Variants in ZCCHC2 observed in about 807,000 individuals in gnomAD.
ZCCHC2 encodes the protein zinc finger CCHC domain-containing protein 2.
In ZCCHC2, 39 loss-of-function variants were observed where a neutral mutation model predicts 103.6. The ratio of observed to expected loss-of-function variants is 0.38; its 90% CI spans 0.29 to 0.49. ZCCHC2 has a LOEUF of 0.49. ZCCHC2 is among the 20% of genes least tolerant of loss of function. The probability of loss-of-function intolerance (pLI) is 0.96; values close to 1 mark genes in which losing one functional copy is unlikely to be tolerated. For synonymous variants in ZCCHC2, 687 were observed against 608.9 expected (o/e 1.13, Z -1.89); for missense variants, 1,483 against 1,491.0 (o/e 0.99, Z 0.09).
In ZCCHC2 at chr18:62,575,012, A is replaced by G. The variant is rs775035278; in HGVS notation, c.2931A>G (p.Thr977=). The change falls in exon 13 of 14, where the codon ACA becomes ACG. Residue 977 remains threonine (T), a synonymous_variant. Coordinates refer to ENST00000269499, the MANE Select transcript of ZCCHC2 (RefSeq NM_017742.6). The part of the protein sequence containing the change: ...GPAPSPSPAL[T]HSTAQSDSTS... Reference sequence around the variant, plus strand: ...CCCCGAGCCCAAGCCCTGCCTTGACACACAGTACCGCGCAGAGTGACAGCA... The same window carrying G: ...CCCCGAGCCCAAGCCCTGCCTTGACGCACAGTACCGCGCAGAGTGACAGCA... 1 of 1,613,918 alleles carries G rather than the reference A, an allele frequency of 6.2e-7. No individual in the cohort carries two copies. The highest frequency in any genetic ancestry group is 2.2e-5 in the East Asian group (1 of 44,874).
chr18:62,584,450 A>G (rs945198221), exon 15 of ZCCHC2: 2 of 152,112 alleles, frequency 1.3e-5, no homozygotes, highest in Non-Finnish European at 2.9e-5. Context: ...TTGCAGTTCC[A>G]ATTTGAGCCG....
chr18:62,546,018 C>T (rs1022996083), intron 4 of ZCCHC2, among the ~76,000 whole-genome samples: 2 of 152,224 alleles, frequency 1.3e-5, no homozygotes, highest in Non-Finnish European at 2.9e-5. Flanking sequence ...ATAGTTCCAT[C>T]TTCCTGTGGT....
Position 62,523,750 on chromosome 18 carries a change from C to A in ZCCHC2, c.326C>A (p.Ala109Glu). The A allele has an allele frequency of 2.6e-6, 4 of 1,529,916 alleles. No homozygotes were observed. Among genetic ancestry groups the A allele is most frequent in the Non-Finnish European group, 2.6e-6 (3 of 1,144,544 alleles). 94.8% of individuals were successfully genotyped at this position (1,529,916 alleles called of 1,614,324 possible). ...TGGTTCGGGCTGGTGCTGGGCTCGG[C>A]GCAGCGCCTGGAGTTCATGTGCGGG... is the stretch of plus-strand genomic sequence containing the variant. ...YEWFGLVLGS[A>E]QRLEFMCGLL... Residue 109 changes from alanine to glutamate, a missense_variant, in exon 1 of 14, where the codon GCG (alanine) becomes GAG (glutamate). By Grantham distance (107) the Ala-to-Glu change is moderately radical (BLOSUM62 -1). Transcript: ENST00000269499.
intron 1 of ZCCHC2, chr18:62,526,980 T>C (rs1410491014): frequency 8.4e-6 from 1 of 119,486 alleles, no homozygotes; most frequent in Non-Finnish European, 1.6e-5. Context: ...GCGATAACCC[T>C]GGTAAAGGGA....
intron 12 of ZCCHC2, among the ~76,000 whole-genome samples, chr18:62,572,025 T>C (rs1916616284): frequency 6.6e-6 from 1 of 152,176 alleles, no homozygotes; most frequent in East Asian, 1.9e-4. Flanking sequence ...AGAAAAAAAA[T>C]GAAAACAACG....
intron 8 of ZCCHC2, among the ~76,000 whole-genome samples, chr18:62,561,611 G>A (rs1331769070): frequency 1.3e-5 from 2 of 152,066 alleles, no homozygotes; most frequent in African/African-American, 4.8e-5. Context: ...GCAGTCCTTC[G>A]CCATTTCATC....
chr18:62,524,636 A>C (rs1914269747), intron 1 of ZCCHC2: 1 of 439,140 alleles, frequency 2.3e-6, no homozygotes, highest in Admixed American at 4.4e-5. Context: ...GTTGCCACGG[A>C]AGACGTGGAG....
At position 62,576,768 on chromosome 18, in the gene ZCCHC2, T is replaced by C; in HGVS notation, c.*189T>C. On this transcript the variant is annotated 3_prime_UTR_variant, in exon 14 of 14. Coordinates refer to ENST00000269499, the MANE Select transcript of ZCCHC2 (RefSeq NM_017742.6). ...ATGCAATGCTTTTGAGCCTCTGGTC[T>C]CCTGGTTCAACAACAGGCTTATATG... The C allele has an allele frequency of 3.6e-6, 2 of 558,990 alleles. No individual in the cohort carries two copies. The highest frequency in any genetic ancestry group is 2.2e-5 in the South Asian group (1 of 45,924). The allele number at this position is 558,990 out of a possible 1,614,324, so 34.6% of individuals were successfully genotyped here. A position where few individuals can be genotyped will look rare whatever the true frequency, so the allele number is the denominator to read the frequency against.
Position 62,577,751 on chromosome 18 carries a change from T to A in ZCCHC2, c.*1172T>A, listed in dbSNP as rs973744704. ...TCACTAAGTTTAATGCTGCTGTTTT[T>A]AAAAAAAAAAAAAAGTTTTTTTAAA... On this transcript the variant is annotated 3_prime_UTR_variant, in exon 14 of 14. Coordinates refer to ENST00000269499, the MANE Select transcript of ZCCHC2 (RefSeq NM_017742.6). 64 of 150,652 alleles carry A rather than the reference T, an allele frequency of 4.2e-4. No homozygotes were observed. The highest frequency in any genetic ancestry group is 5.6e-4 in the African/African-American group (23 of 40,872). 9.3% of individuals were successfully genotyped at this position (150,652 alleles called of 1,614,324 possible).
At chr18:62,533,442 T>G (rs1372099980) in intron 1 of ZCCHC2, among the ~76,000 whole-genome samples, 3 of 151,902 alleles carry the variant, frequency 2.0e-5, no homozygotes, top group African/African-American at 7.3e-5. Context: ...GCAGAATCAC[T>G]TGAACCCGGG....
At chr18:62,547,057 G>A (rs1160609167) in intron 4 of ZCCHC2, among the ~76,000 whole-genome samples, 4 of 151,978 alleles carry the variant, frequency 2.6e-5, no homozygotes, top group Non-Finnish European at 4.4e-5. Flanking sequence ...AGGTTCGGTG[G>A]CTCATGCCTG....
intron 3 of ZCCHC2, among the ~76,000 whole-genome samples, chr18:62,544,009 A>G (rs900482055): frequency 6.6e-6 from 1 of 152,352 alleles, no homozygotes; most frequent in South Asian, 2.1e-4. Flanking sequence ...ATAAAATTTT[A>G]TGTATTTTTT....
At chr18:62,579,550 A>G (rs1301595314), downstream of ZCCHC2, among the ~76,000 whole-genome samples, 1 of 152,142 alleles carries the variant, frequency 6.6e-6, no homozygotes, top group Non-Finnish European at 1.5e-5. Flanking sequence ...AAATTCCCTG[A>G]TTGTTTACAG....
Position 62,523,845 on chromosome 18 carries a change from G to C in ZCCHC2, c.421G>C (p.Asp141His), listed in dbSNP as rs1400848696. 1 of 1,544,964 alleles carries C rather than the reference G, an allele frequency of 6.5e-7. No homozygotes were observed. The highest frequency in any genetic ancestry group is 1.4e-5 in the African/African-American group (1 of 72,744). The stretch of plus-strand genomic sequence containing the variant: ...GTGCCTGGAGGACCTGGCGCGCAAG[G>C]ACTACCACTACCTGCGCGACTCGGA... The part of the protein sequence containing the change: ...GSCLEDLARK[D>H]YHYLRDSEAK... The change falls in exon 1 of 14, where the codon GAC becomes CAC. Residue 141 changes from aspartate to histidine, a missense_variant. Asp to His is a moderately conservative substitution (Grantham distance 81). Around this residue, in one of 3 missense-constraint regions of ZCCHC2, gnomAD observed 568 missense variants for 525.1 expected, o/e 1.08. Coordinates refer to ENST00000269499, the MANE Select transcript of ZCCHC2 (RefSeq NM_017742.6).
intron 8 of ZCCHC2, 21 bp from the exon 9 acceptor site, chr18:62,562,988 T>C (rs367635338): frequency 3.8e-6 from 6 of 1,597,966 alleles, no homozygotes; most frequent in South Asian, 3.3e-5. Context: ...TTTCACACTT[T>C]CATAAACTTT....
intron 2 of ZCCHC2, among the ~76,000 whole-genome samples, chr18:62,542,066 A>G (rs1196414733): frequency 1.3e-5 from 2 of 152,206 alleles, no homozygotes; most frequent in African/African-American, 2.4e-5. Context: ...GTAAAACTAG[A>G]TATTTTGTAG....
intron 1 of ZCCHC2, chr18:62,524,612 T>A (rs1229545619): frequency 4.1e-6 from 2 of 491,460 alleles, no homozygotes; most frequent in East Asian, 3.6e-5. Context: ...TAGAAGTCCC[T>A]TCCGTGCCAC....
intron 1 of ZCCHC2, among the ~76,000 whole-genome samples, chr18:62,530,470 A>G (rs1422031336): frequency 6.6e-6 from 1 of 152,146 alleles, no homozygotes; most frequent in African/African-American, 2.4e-5. Context: ...TGCTCAGTGC[A>G]TATTTTCCAC....
rs1915089734 is a variant in ZCCHC2, at chr18:62,539,702, T to C, written c.961T>C (p.Tyr321His). ...CTAGAACAACTCTGCTCATGGTGAT[T>C]ACATGCAAAATAACGAGAGCAGCTT... ...RAQNNSAHGD[Y>H]MQNNESSLIE... is the part of the protein sequence containing the mutation. Residue 321 changes from tyrosine (Y) to histidine (H), a missense_variant, in exon 2 of 14, where the codon TAC becomes CAC. By Grantham distance (83) the Tyr-to-His change is moderately conservative (BLOSUM62 2). This residue lies in a region of ZCCHC2 where 568 missense variants were observed against 525.1 expected (regional missense o/e 1.08). Coordinates refer to ENST00000269499, the MANE Select transcript of ZCCHC2 (RefSeq NM_017742.6). The C allele has an allele frequency of 1.9e-6, 3 of 1,596,938 alleles. No individual in the cohort carries two copies. Among genetic ancestry groups the C allele is most frequent in the East Asian group, 4.5e-5 (2 of 44,336 alleles).
Sources: allele counts gnomAD v4.1 joint callset (sites outside exome capture counted in the v4.1 genomes callset), GRCh38; gene constraint gnomAD v4.1.1; regional missense constraint gnomAD v4.1.1; transcripts MANE v1.5; gene names NCBI Gene and HGNC (gene_info 2026-07-23, HGNC 2026-07-21).